USP26: variants seen among roughly 807,000 people sequenced by gnomAD.
USP26 encodes ubiquitin carboxyl-terminal hydrolase 26.
For missense variants in USP26, 649 were observed against 642.3 expected (o/e 1.01, Z -0.11); for synonymous variants, 236 against 240.6 (o/e 0.98, Z 0.18).
chrX:133,068,278 G>A (rs1395350201), intron 5 of USP26, among the ~76,000 whole-genome samples: 1 of 110,705 alleles, frequency 9.0e-6, no homozygotes, highest in East Asian at 2.8e-4. Flanking sequence ...GGAGGGTGAG[G>A]ATCAAAAAAC....
At chrX:133,056,585 T>A (rs1327345220) in intron 5 of USP26, among the ~76,000 whole-genome samples, 1 of 111,524 alleles carries the variant, frequency 9.0e-6, no homozygotes, top group Non-Finnish European at 1.9e-5. Context: ...AGGTGAGTCA[T>A]CCTTAATGTA....
In USP26 at chrX:133,024,437, G is replaced by A. The variant is rs1033871951; in HGVS notation, c.*1042C>T. 2.7e-5 allele frequency among the ~76,000 whole-genome samples: 3 copies of A among 111,730 alleles called. No individual in the cohort carries two copies. The highest frequency in any genetic ancestry group is 9.8e-5 in the African/African-American group (3 of 30,751). ...GGCAAGGTGGGCTCAGACCACCAAG[G>A]GCCAAGAGCTTGCTAGCAGACACAC... On this transcript the variant is annotated 3_prime_UTR_variant, in exon 6 of 6. Coordinates refer to ENST00000511190, the MANE Select transcript of USP26 (RefSeq NM_031907.3).
At chrX:133,045,460 A>G (rs952414835) in intron 5 of USP26, among the ~76,000 whole-genome samples, 1 of 111,937 alleles carries the variant, frequency 8.9e-6, no homozygotes, top group Non-Finnish European at 1.9e-5. Flanking sequence ...CCTCTTCCAC[A>G]CTGTGGAAAC....
intron 5 of USP26, among the ~76,000 whole-genome samples, chrX:133,033,867 T>A (rs1291040039): frequency 8.9e-6 from 1 of 112,215 alleles, no homozygotes; most frequent in Non-Finnish European, 1.9e-5. Context: ...ATACAAACAA[T>A]GGCCATGCAA....
At chrX:133,046,959 G>C (rs1005360105) in intron 5 of USP26, among the ~76,000 whole-genome samples, 1 of 111,958 alleles carries the variant, frequency 8.9e-6, no homozygotes, top group Non-Finnish European at 1.9e-5. Flanking sequence ...GGAATGCACA[G>C]AACCAAGAAA....
At chrX:133,074,461 T>A (rs1416756772) in intron 5 of USP26, among the ~76,000 whole-genome samples, 1 of 112,100 alleles carries the variant, frequency 8.9e-6, no homozygotes, top group Non-Finnish European at 1.9e-5. Flanking sequence ...TGCACACACA[T>A]AAGCAGATCC....
At chrX:133,048,027 AT>A (rs1403560749) in intron 5 of USP26, among the ~76,000 whole-genome samples, 1 of 111,773 alleles carries the variant, frequency 8.9e-6, no homozygotes, top group Non-Finnish European at 1.9e-5. Flanking sequence ...ACGCTCACCA[AT>A]TTTAAACCAT....
Position 133,088,213 on chromosome X carries a change from C to T in USP26, c.-142+1900G>A, listed in dbSNP as rs1002574319. On this transcript the variant is annotated intron_variant, in intron 4 of 5. Coordinates refer to ENST00000511190, the MANE Select transcript of USP26 (RefSeq NM_031907.3). ...TAGTAGCCATTGACAGAGTAGACCC[C>T]AGATGAGTTAAAGCAGCAGTCCCCA... Among the ~76,000 whole-genome samples, 11 of 110,814 alleles carry T rather than the reference C, an allele frequency of 9.9e-5. No individual in the cohort carries two copies. The East Asian group carries it at 2.6e-3, about 26-fold the overall frequency.
chrX:133,091,173 T>A (rs1602993070), intron 2 of USP26, among the ~76,000 whole-genome samples, 180 bp downstream of exon 2: 1 of 112,122 alleles, frequency 8.9e-6, no homozygotes, highest in East Asian at 2.8e-4. Flanking sequence ...AGTAATAACC[T>A]ACATATTACT....
chrX:133,031,755 G>A (rs1276517959), intron 5 of USP26, among the ~76,000 whole-genome samples: 1 of 111,961 alleles, frequency 8.9e-6, no homozygotes, highest in Non-Finnish European at 1.9e-5. Flanking sequence ...CAAAATCCAT[G>A]CTCTCGAAAA....
intron 5 of USP26, among the ~76,000 whole-genome samples, chrX:133,069,834 C>A (rs1410541381): frequency 9.0e-6 from 1 of 111,515 alleles, no homozygotes; most frequent in African/African-American, 3.3e-5. Flanking sequence ...AGAAAGAGTG[C>A]TCTTGACAAC....
intron 4 of USP26, among the ~76,000 whole-genome samples, chrX:133,088,852 T>C (rs1388971548): frequency 9.0e-6 from 1 of 111,628 alleles, no homozygotes; most frequent in African/African-American, 3.3e-5. Flanking sequence ...GATTCACTCT[T>C]TTTTTCATCT....
chrX:133,079,965 A>G lies in USP26; in HGVS notation c.-77+3742T>C, dbSNP rs767325047. On this transcript the variant is annotated intron_variant, in intron 5 of 5. Coordinates refer to ENST00000511190, the MANE Select transcript of USP26 (RefSeq NM_031907.3). Reference sequence around the variant, plus strand: ...TTGTAGGTGGACATATATTAGTTACATGTTTCCTAAGGCCACATGGCAGAA... The same window carrying G: ...TTGTAGGTGGACATATATTAGTTACGTGTTTCCTAAGGCCACATGGCAGAA... Among the ~76,000 whole-genome samples, 19 of 111,799 alleles carry G rather than the reference A, an allele frequency of 1.7e-4. No homozygotes were observed. The South Asian group carries it at 6.1e-3, about 36-fold the overall frequency.
rs1268549978 is a variant in USP26, at chrX:133,027,420, C to T, written c.801G>A (p.Leu267=). The change falls in exon 6 of 6, where the codon CTG becomes CTA. Residue 267 remains leucine (L), a synonymous_variant. Coordinates refer to ENST00000511190, the MANE Select transcript of USP26 (RefSeq NM_031907.3). ...AACCGTCACTATACCCTTGTTGTAACAGAAATACCAAAACCATTTTCTCAG... is the reference window on the plus strand; with the variant it reads ...AACCGTCACTATACCCTTGTTGTAATAGAAATACCAAAACCATTTTCTCAG... The part of the protein sequence containing the change: ...ALTEKMVLVF[L]LQQGYSDGYT... The T allele has an allele frequency of 8.3e-7, 1 of 1,211,271 alleles. No individual in the cohort carries two copies. The highest frequency in any genetic ancestry group is 3.0e-5 in the East Asian group (1 of 33,841).
chrX:133,031,056 T>G (rs895793372), intron 5 of USP26, among the ~76,000 whole-genome samples: 1 of 112,017 alleles, frequency 8.9e-6, no homozygotes, highest in Non-Finnish European at 1.9e-5. Flanking sequence ...GGTCAAGATA[T>G]ATGGCAGTGT....
rs1490491438 is a variant in USP26 at position 133,025,716 on chromosome X, C to T, written c.2505G>A (p.Lys835=). The change falls in exon 6 of 6, where the codon AAG becomes AAA. Residue 835 remains lysine (K), a synonymous_variant. Coordinates refer to ENST00000511190, the MANE Select transcript of USP26 (RefSeq NM_031907.3). ...RLISVVSHLG[K]TLKSGHYICD... Reference sequence around the variant, plus strand: ...AGATATAATGGCCTGACTTTAGAGTCTTCCCAAGATGGCTGACAACACTAA... The same window carrying T: ...AGATATAATGGCCTGACTTTAGAGTTTTCCCAAGATGGCTGACAACACTAA... 8.3e-7 allele frequency: 1 copy of T among 1,211,661 alleles called. No individual in the cohort carries two copies. The highest frequency in any genetic ancestry group is 1.1e-6 in the Non-Finnish European group (1 of 895,391).
At chrX:133,047,007 C>T (rs149224724) in intron 5 of USP26, among the ~76,000 whole-genome samples, 2 of 111,966 alleles carry the variant, frequency 1.8e-5, no homozygotes, top group South Asian at 7.5e-4. Flanking sequence ...AAAAGCAGAG[C>T]CAAGAAAACA....
In USP26 at chrX:133,026,708, C is replaced by T. The variant is rs757275587; in HGVS notation, c.1513G>A (p.Val505Ile). The change falls in exon 6 of 6, where the codon GTT becomes ATT. Residue 505 changes from valine to isoleucine, a missense_variant. Transcript: ENST00000511190. ...AGCCTACTGAATGAGTGCACTCCAA[C>T]GGAAGTCTTGTGCTCACATTTTGCA... The part of the protein sequence containing the change: ...KCAKCEHKTS[V>I]GVHSFSRLPR... 8 of 1,210,490 alleles carry T rather than the reference C, an allele frequency of 6.6e-6. 1 individual carries two copies. The highest frequency in any genetic ancestry group is 5.3e-5 in the South Asian group (3 of 56,909).
chrX:133,043,510 A>G (rs2067426594), intron 5 of USP26, among the ~76,000 whole-genome samples: 1 of 112,551 alleles, frequency 8.9e-6, no homozygotes, highest in East Asian at 2.8e-4. Flanking sequence ...CTTACTGGTA[A>G]ACCTATTTCT....
Sources: gnomAD v4.1 joint callset for allele counts (sites outside exome capture counted in the v4.1 genomes callset) on GRCh38, gnomAD v4.1.1 for gene constraint, MANE v1.5 for transcripts, NCBI Gene and HGNC (gene_info 2026-07-23, HGNC 2026-07-21) for gene names.